Variants in ULK4 observed in about 807,000 individuals in gnomAD.
ULK4 encodes inactive serine/threonine-protein kinase ULK4.
A neutral mutation model predicts 160.6 loss-of-function variants in ULK4; 133 were observed. The ratio of observed to expected loss-of-function variants is 0.83; its 90% CI spans 0.72 to 0.96. The LOEUF is 0.96. ULK4 is among the 40% of genes least tolerant of loss of function. The pLI is 0.00. For missense variants in ULK4, 1,580 were observed against 1,499.5 expected, an observed-to-expected ratio of 1.05 and a Z score of -0.89; for synonymous variants, 534 against 539.8, an observed-to-expected ratio of 0.99 and a Z score of 0.15.
chr3:41,587,135 G>T (rs1169562194), intron 31 of ULK4, among the ~76,000 whole-genome samples: 6 of 152,144 alleles, frequency 3.9e-5, no homozygotes, highest in Non-Finnish European at 5.9e-5. Flanking sequence ...GATTGTGGTT[G>T]TAAGACTGAA....
chr3:41,762,108 A>G lies in ULK4; in HGVS notation c.2194-7620T>C, dbSNP rs2039002012. Among the ~76,000 whole-genome samples the G allele has an allele frequency of 3.3e-5, 5 of 152,228 alleles. No individual in the cohort carries two copies. In the South Asian group the frequency reaches 1.0e-3, roughly 32 times the overall value. ...CAGGGAAACAAACAAACAAAACTAG[A>G]AATTAATTAAAACATAAATAATCCA... On this transcript the variant is annotated intron_variant, in intron 21 of 36. Coordinates refer to ENST00000301831, the MANE Select transcript of ULK4 (RefSeq NM_017886.4).
intron 21 of ULK4, among the ~76,000 whole-genome samples, chr3:41,767,673 T>TG (rs916632273): frequency 6.6e-6 from 1 of 152,014 alleles, no homozygotes; most frequent in African/African-American, 2.4e-5. Context: ...CTAGCAAAGA[T>TG]GAAAATGGAT....
intron 22 of ULK4, among the ~76,000 whole-genome samples, chr3:41,741,704 AT>A (rs1340847729): frequency 6.6e-6 from 1 of 151,970 alleles, no homozygotes; most frequent in East Asian, 1.9e-4. Flanking sequence ...CTCAAGCAGT[AT>A]TTAAAAGTCA....
chr3:41,343,785 G>T (rs2080740403), intron 35 of ULK4, among the ~76,000 whole-genome samples: 1 of 152,094 alleles, frequency 6.6e-6, no homozygotes, highest in Non-Finnish European at 1.5e-5. Context: ...CAGCAATAGA[G>T]CTAACAAGAG....
chr3:41,417,828 T>C (rs1559586044), intron 34 of ULK4, among the ~76,000 whole-genome samples: 1 of 152,162 alleles, frequency 6.6e-6, no homozygotes, highest in Non-Finnish European at 1.5e-5. Flanking sequence ...ATTCTGGCTG[T>C]TGAAAGAATT....
intron 35 of ULK4, among the ~76,000 whole-genome samples, chr3:41,357,669 G>A (rs1193465194): frequency 1.3e-5 from 2 of 152,236 alleles, no homozygotes; most frequent in South Asian, 2.1e-4. Flanking sequence ...CATGTTTGTC[G>A]AACACATTCA....
intron 30 of ULK4, among the ~76,000 whole-genome samples, chr3:41,616,334 T>A (rs1417558174): frequency 6.6e-6 from 1 of 152,160 alleles, no homozygotes; most frequent in Non-Finnish European, 1.5e-5. Context: ...ACAATATTTG[T>A]GACATCCAGG....
chr3:41,696,729 T>C (rs2036516809), intron 27 of ULK4, among the ~76,000 whole-genome samples: 1 of 139,056 alleles, frequency 7.2e-6, no homozygotes, highest in Non-Finnish European at 1.5e-5. Flanking sequence ...AAAAGGGAAT[T>C]TGCAGATGAG....
In ULK4 at chr3:41,354,276, T is replaced by C. The variant is rs75131300; in HGVS notation, c.3678+43803A>G. Among the ~76,000 whole-genome samples, 373 of 152,270 alleles carry C rather than the reference T, an allele frequency of 2.4e-3. 1 individual carries two copies. Among genetic ancestry groups the C allele is most frequent in the East Asian group, 0.015 (79 of 5,158 alleles). ...GTCCACAGTGGCTGAGCAGGGGCTA[T>C]GTTGATATCATGAACTCATGGAGAG... On this transcript the variant is annotated intron_variant, in intron 35 of 36. Transcript: ENST00000301831.
intron 1 of ULK4, among the ~76,000 whole-genome samples, chr3:41,957,230 G>A (rs950490796): frequency 6.6e-6 from 1 of 152,032 alleles, no homozygotes; most frequent in Non-Finnish European, 1.5e-5. Flanking sequence ...GAGGTGGGCT[G>A]ATCGCCTGAG....
intron 25 of ULK4, among the ~76,000 whole-genome samples, chr3:41,714,409 C>T (rs989260654): frequency 6.6e-6 from 1 of 152,142 alleles, no homozygotes; most frequent in African/African-American, 2.4e-5. Context: ...AATTGAGATG[C>T]TGACCTCATT....
chr3:41,668,955 T>C (rs755647157), intron 29 of ULK4, among the ~76,000 whole-genome samples: 17 of 152,152 alleles, frequency 1.1e-4, no homozygotes, highest in African/African-American at 3.6e-4. Flanking sequence ...AAAGATAACT[T>C]GCAGAATGTG....
intron 30 of ULK4, among the ~76,000 whole-genome samples, chr3:41,652,979 A>G (rs1293581899): frequency 6.6e-6 from 1 of 152,184 alleles, no homozygotes; most frequent in Non-Finnish European, 1.5e-5. Context: ...AATGAAGACA[A>G]TGGCACAGTA....
intron 35 of ULK4, among the ~76,000 whole-genome samples, chr3:41,274,435 T>A (rs543120038): frequency 6.6e-6 from 1 of 152,316 alleles, no homozygotes; most frequent in East Asian, 1.9e-4. Flanking sequence ...TCTGAGATGT[T>A]TGTGCTCTGC....
intron 31 of ULK4, among the ~76,000 whole-genome samples, chr3:41,600,891 A>C (rs536313194): frequency 1.1e-4 from 17 of 152,352 alleles, no homozygotes; most frequent in South Asian, 4.1e-4. Context: ...TCTCCCTAGC[A>C]CACTCCCAAG....
chr3:41,859,875 G>A (rs1373187121), intron 17 of ULK4, among the ~76,000 whole-genome samples: 1 of 139,298 alleles, frequency 7.2e-6, no homozygotes, highest in African/African-American at 2.7e-5. Context: ...TCACCATGTT[G>A]GTCAGGCTGC....
Position 41,664,633 on chromosome 3 carries a change from C to T in ULK4, c.2979-934G>A, listed in dbSNP as rs2035297221. ...AGACTGTCTGCTCAAACAGTTGAGG[C>T]ACAGTGGACTACCCTTATCAGCTGT... On this transcript the variant is annotated intron_variant, in intron 29 of 36. Coordinates refer to ENST00000301831, the MANE Select transcript of ULK4 (RefSeq NM_017886.4). 2.6e-5 allele frequency among the ~76,000 whole-genome samples: 4 copies of T among 152,118 alleles called. No homozygotes were observed. The South Asian group carries it at 6.2e-4, about 24-fold the overall frequency.
intron 31 of ULK4, among the ~76,000 whole-genome samples, chr3:41,579,171 T>C (rs2030011390): frequency 6.6e-6 from 1 of 152,196 alleles, no homozygotes; most frequent in African/African-American, 2.4e-5. Flanking sequence ...CGTTTTCATA[T>C]TTTTAACCAC....
intron 32 of ULK4, among the ~76,000 whole-genome samples, chr3:41,490,188 C>T (rs966407502): frequency 7.2e-5 from 11 of 152,092 alleles, no homozygotes; most frequent in African/African-American, 2.7e-4. Flanking sequence ...GTTCTCTCTG[C>T]CTCTGATCTC....
Sources: allele counts gnomAD v4.1 joint callset (sites outside exome capture counted in the v4.1 genomes callset), GRCh38; gene constraint gnomAD v4.1.1; transcripts MANE v1.5; gene names NCBI Gene and HGNC (gene_info 2026-07-23, HGNC 2026-07-21).